The following SDE2 variants were observed in gnomAD, a reference collection of about 807,000 sequenced individuals.
SDE2 encodes the protein splicing regulator SDE2.
In SDE2, 31 loss-of-function variants were observed where a neutral mutation model predicts 46.9. The ratio of observed to expected loss-of-function variants is 0.66; its 90% CI spans 0.50 to 0.89. The LOEUF is 0.89. SDE2 is among the 40% of genes least tolerant of loss of function. The pLI is 0.00. For synonymous variants in SDE2, 205 were observed against 204.3 expected (o/e 1.00, Z -0.03); for missense variants, 542 against 564.4 (o/e 0.96, Z 0.40).
chr1:225,992,273 C>G (rs1176164699), intron 4 of SDE2, 125 bp downstream of exon 4: 11 of 607,078 alleles, frequency 1.8e-5, no homozygotes, highest in Non-Finnish European at 3.1e-5. Context: ...AGGTTTTCAT[C>G]AGATTCTCAG....
chr1:225,995,466 A>G (rs1362715318), intron 1 of SDE2, 83 bp from the exon 2 acceptor site: 1 of 731,562 alleles, frequency 1.4e-6, no homozygotes, highest in East Asian at 2.5e-5. Context: ...CTGTCTTTTT[A>G]TTACTCTGGT....
chr1:225,998,938 A>C (rs1308306531), intron 1 of SDE2, among the ~76,000 whole-genome samples: 2 of 152,158 alleles, frequency 1.3e-5, no homozygotes, highest in African/African-American at 4.8e-5. Context: ...AGTATTTGTA[A>C]CTGTGAGCGG....
At chr1:225,995,497 T>C in intron 1 of SDE2, 114 bp from the exon 2 acceptor site, 1 of 534,020 alleles carries the variant, frequency 1.9e-6, no homozygotes, top group Non-Finnish European at 3.4e-6. Context: ...GGTGTTCAAT[T>C]AATATTTGTT....
chr1:225,995,415 T>C (rs1656500569), intron 1 of SDE2, 32 bp from the exon 2 acceptor site: 3 of 1,078,010 alleles, frequency 2.8e-6, no homozygotes, highest in Non-Finnish European at 4.3e-6. Context: ...TAATGCCTTT[T>C]ATGAGATAAT....
In SDE2 at chr1:225,985,528, G is replaced by A; in HGVS notation, c.1135-5C>T. On this transcript the variant is annotated splice_polypyrimidine_tract_variant and splice_region_variant and intron_variant, in intron 6 of 6. Coordinates refer to ENST00000272091, the MANE Select transcript of SDE2 (RefSeq NM_152608.4). ...TATAGTTTCCTTATCAATAACCTGA[G>A]GGAAAAAAATAAGAAAATATTTAAA... The A allele has an allele frequency of 6.4e-7, 1 of 1,568,678 alleles. No individual in the cohort carries two copies. Among genetic ancestry groups the A allele is most frequent in the Non-Finnish European group, 8.8e-7 (1 of 1,141,354 alleles).
chr1:225,993,081 T>C, intron 2 of SDE2, 79 bp from the exon 3 acceptor site: 2 of 673,196 alleles, frequency 3.0e-6, no homozygotes, highest in Non-Finnish European at 5.3e-6. Flanking sequence ...AAACAATCTG[T>C]ATCACAAGAT....
chr1:225,995,508 G>A, intron 1 of SDE2, 125 bp from the exon 2 acceptor site: 2 of 517,166 alleles, frequency 3.9e-6, no homozygotes, highest in African/African-American at 3.9e-5. Context: ...AATATTTGTT[G>A]AATTGAAAAT....
Position 225,984,314 on chromosome 1 carries a change from G to A in SDE2, c.*988C>T, listed in dbSNP as rs941304453. On this transcript the variant is annotated 3_prime_UTR_variant, in exon 7 of 7. Coordinates refer to ENST00000272091, the MANE Select transcript of SDE2 (RefSeq NM_152608.4). ...TACGACATAATAAAATTGTAAAGTC[G>A]CAACTAAAGTAATGCTTAAAAGAAA... 4.0e-5 allele frequency: 6 copies of A among 151,870 alleles called. No individual in the cohort carries two copies. The highest frequency in any genetic ancestry group is 5.9e-5 in the Non-Finnish European group (4 of 67,962). The allele number at this position is 151,870 out of a possible 1,614,324, so 9.4% of individuals were successfully genotyped here.
chr1:225,989,162 T>A (rs1656336155), intron 5 of SDE2, among the ~76,000 whole-genome samples: 1 of 150,664 alleles, frequency 6.6e-6, no homozygotes. Context: ...CCAGGCCTGG[T>A]GGCAGGTGCC....
At chr1:225,994,524 T>C (rs1021164194) in intron 2 of SDE2, among the ~76,000 whole-genome samples, 1 of 152,266 alleles carries the variant, frequency 6.6e-6, no homozygotes, top group Non-Finnish European at 1.5e-5. Context: ...CAACTGTTTA[T>C]ATTGTTTTCG....
At chr1:225,989,290 T>C (rs1396178107) in intron 5 of SDE2, among the ~76,000 whole-genome samples, 1 of 49,068 alleles carries the variant, frequency 2.0e-5, no homozygotes, top group East Asian at 8.5e-4. Flanking sequence ...AGCAAGACTG[T>C]CTCAAAAAAA....
chr1:225,983,797 T>C lies in SDE2; in HGVS notation c.*1505A>G, dbSNP rs931207917. Reference sequence around the variant, plus strand: ...ACGAGTCTCAATAAAACTAAGAGGATTGAAATCATAAAGAGGATATTTTCT... The same window carrying C: ...ACGAGTCTCAATAAAACTAAGAGGACTGAAATCATAAAGAGGATATTTTCT... On this transcript the variant is annotated 3_prime_UTR_variant, in exon 7 of 7. Transcript: ENST00000272091. 4.6e-5 allele frequency: 7 copies of C among 151,962 alleles called. No individual in the cohort carries two copies. Among genetic ancestry groups the C allele is most frequent in the Admixed American group, 3.3e-4 (5 of 15,246 alleles). 9.4% of individuals were successfully genotyped at this position (151,962 alleles called of 1,614,324 possible).
intron 4 of SDE2, among the ~76,000 whole-genome samples, chr1:225,991,598 C>A (rs899802587): frequency 2.0e-5 from 3 of 152,166 alleles, no homozygotes; most frequent in East Asian, 1.9e-4. Context: ...TTGAGACTGA[C>A]AAGTTCATAC....
chr1:225,994,317 C>T (rs141514712), intron 2 of SDE2, among the ~76,000 whole-genome samples: 5 of 152,304 alleles, frequency 3.3e-5, no homozygotes, highest in African/African-American at 1.2e-4. Context: ...CCTAGGTGAT[C>T]CGCCCGCCTT....
Position 225,997,366 on chromosome 1 carries a change from T to C in SDE2, c.120+1827A>G, listed in dbSNP as rs372822851. 8.5e-5 allele frequency among the ~76,000 whole-genome samples: 13 copies of C among 152,228 alleles called. No individual in the cohort carries two copies. In the East Asian group the frequency reaches 9.6e-4, roughly 11 times the overall value. On this transcript the variant is annotated intron_variant, in intron 1 of 6. Transcript: ENST00000272091. The stretch of plus-strand genomic sequence containing the variant: ...GTATCTCAACTAATATTCTTTTGTG[T>C]TTCTATTCATATTTGCTATGGTCAT...
Position 225,991,317 on chromosome 1 carries a change from C to T in SDE2, c.567G>A (p.Glu189=), listed in dbSNP as rs1432016820. Residue 189 remains glutamate (E), a synonymous_variant, in exon 5 of 7, where the codon GAG becomes GAA. Coordinates refer to ENST00000272091, the MANE Select transcript of SDE2 (RefSeq NM_152608.4). ...TAGTAGGCCATTGCCGTTTCCGATT[C>T]TCACTGATTTCTGCTGAAACCATCT... ...SSKMVSAEIS[E]NRKRQWPTKS... 1 of 1,613,824 alleles carries T rather than the reference C, an allele frequency of 6.2e-7. No individual in the cohort carries two copies. The highest frequency in any genetic ancestry group is 1.3e-5 in the African/African-American group (1 of 74,928).
At chr1:225,998,449 C>G (rs1348711014) in intron 1 of SDE2, among the ~76,000 whole-genome samples, 3 of 152,186 alleles carry the variant, frequency 2.0e-5, no homozygotes, top group Non-Finnish European at 1.5e-5. Context: ...AGTTCTAGAT[C>G]AAGTGCCAAC....
intron 6 of SDE2, among the ~76,000 whole-genome samples, chr1:225,987,628 T>C (rs962127647): frequency 3.9e-5 from 6 of 152,220 alleles, no homozygotes; most frequent in Non-Finnish European, 7.3e-5. Context: ...ACACATCTCA[T>C]TTTAGACATG....
At chr1:225,996,763 A>C (rs1393967812) in intron 1 of SDE2, among the ~76,000 whole-genome samples, 1 of 152,208 alleles carries the variant, frequency 6.6e-6, no homozygotes, top group African/African-American at 2.4e-5. Context: ...GGTGGAGTTG[A>C]GGTGAAATTT....
Sources: allele counts gnomAD v4.1 joint callset (sites outside exome capture counted in the v4.1 genomes callset), GRCh38; gene constraint gnomAD v4.1.1; transcripts MANE v1.5; gene names NCBI Gene and HGNC (gene_info 2026-07-23, HGNC 2026-07-21).